PTPRJ: variants seen among roughly 807,000 people sequenced by gnomAD.
PTPRJ encodes protein tyrosine phosphatase receptor type J.
In PTPRJ, 129 loss-of-function variants were observed where a neutral mutation model predicts 141.3. That is an observed-to-expected ratio of 0.91 (90% CI 0.79 to 1.06). The LOEUF (loss-of-function observed/expected upper bound fraction) is 1.06. Ranked by LOEUF, PTPRJ falls within the 50% of genes least tolerant of loss-of-function variation. The pLI is 0.00. For synonymous variants in PTPRJ, 610 were observed against 640.5 expected (o/e 0.95, Z 0.72); for missense variants, 1,601 against 1,679.7 (o/e 0.95, Z 0.82).
At chr11:48,104,230 G>A (rs1191729069) in intron 1 of PTPRJ, among the ~76,000 whole-genome samples, 1 of 152,134 alleles carries the variant, frequency 6.6e-6, no homozygotes, top group Non-Finnish European at 1.5e-5. Context: ...GAAGCTTTTG[G>A]GTGTTCCTTG....
Position 48,078,215 on chromosome 11 carries a change from C to T in PTPRJ, c.97-31843C>T, listed in dbSNP as rs142825622. Among the ~76,000 whole-genome samples the T allele has an allele frequency of 7.5e-3, 1,139 of 152,146 alleles. 19 individuals are homozygous for T. Among genetic ancestry groups the T allele is most frequent in the African/African-American group, 0.026 (1,090 of 41,506 alleles). On this transcript the variant is annotated intron_variant, in intron 1 of 24. Coordinates refer to ENST00000418331, the MANE Select transcript of PTPRJ (RefSeq NM_002843.4). ...CTGGGATGACAGGAGCCCACCACCA[C>T]GCTTGGCTAATTTTGTGTTTTTAGT...
intron 22 of PTPRJ, among the ~76,000 whole-genome samples, chr11:48,161,206 A>G (rs2134386751): frequency 7.8e-6 from 1 of 128,310 alleles, no homozygotes; most frequent in African/African-American, 2.9e-5. Context: ...AAAGATAAAT[A>G]AGGGATGGGT....
chr11:48,076,762 T>G (rs1855415638), intron 1 of PTPRJ, among the ~76,000 whole-genome samples: 1 of 143,826 alleles, frequency 7.0e-6, no homozygotes, highest in Non-Finnish European at 1.5e-5. Flanking sequence ...CTTTAAGATA[T>G]CAAACATAAG....
chr11:48,125,086 G>C lies in PTPRJ; in HGVS notation c.993G>C (p.Leu331=), dbSNP rs2134344312. ...SGQQSRDTEV[L]LVGLEPGTRY... The stretch of plus-strand genomic sequence containing the variant: ...AGCAGTCCCGAGACACGGAAGTCCT[G>C]CTTGTCGGGTTAGAGCCTGGCACCC... The change falls in exon 6 of 25, where the codon CTG becomes CTC. Residue 331 remains leucine, a synonymous_variant. Transcript: ENST00000418331. 1.9e-6 allele frequency: 3 copies of C among 1,614,100 alleles called. No homozygotes were observed. The highest frequency in any genetic ancestry group is 1.7e-6 in the Non-Finnish European group (2 of 1,180,022).
intron 1 of PTPRJ, among the ~76,000 whole-genome samples, chr11:47,997,754 C>T (rs2134186554): frequency 6.6e-6 from 1 of 152,260 alleles, no homozygotes; most frequent in East Asian, 1.9e-4. Context: ...AAGAGATATG[C>T]CCTGTCAAAG....
intron 1 of PTPRJ, among the ~76,000 whole-genome samples, chr11:48,094,109 TATTA>T (rs1411510588): frequency 1.3e-5 from 2 of 152,226 alleles, no homozygotes; most frequent in African/African-American, 4.8e-5. Flanking sequence ...TCTTAATCCT[TATTA>T]ATCCCATTCA....
Position 48,142,982 on chromosome 11 carries a change from A to G in PTPRJ, c.2507A>G (p.Lys836Arg). ...GTCAGTCACAATTCAGTAAAGGTCA[A>G]GTTCAGTGGATTTGAAGCCAGCCAC... ...TSVSHNSVKV[K>R]FSGFEASHGP... is the part of the protein sequence containing the mutation. Residue 836 changes from lysine to arginine, a missense_variant, in exon 12 of 25, where the codon AAG becomes AGG. Physicochemically the swap from Lys to Arg is conservative, Grantham distance 26. Coordinates refer to ENST00000418331, the MANE Select transcript of PTPRJ (RefSeq NM_002843.4). 1 of 1,614,192 alleles carries G rather than the reference A, an allele frequency of 6.2e-7. No individual in the cohort carries two copies. The highest frequency in any genetic ancestry group is 8.5e-7 in the Non-Finnish European group (1 of 1,180,020).
At chr11:47,984,567 T>G (rs1441616952) in intron 1 of PTPRJ, among the ~76,000 whole-genome samples, 1 of 150,704 alleles carries the variant, frequency 6.6e-6, no homozygotes, top group Non-Finnish European at 1.5e-5. Flanking sequence ...ATTTGTTTGT[T>G]TTTTTTTTTG....
chr11:48,138,000 C>T (rs976098640), intron 10 of PTPRJ, among the ~76,000 whole-genome samples: 1 of 152,194 alleles, frequency 6.6e-6, no homozygotes, highest in African/African-American at 2.4e-5. Flanking sequence ...GTGGTGGGCA[C>T]TTCTGCTCAC....
chr11:48,063,731 T>A (rs1295733645), intron 1 of PTPRJ, among the ~76,000 whole-genome samples: 4 of 152,200 alleles, frequency 2.6e-5, no homozygotes, highest in African/African-American at 7.2e-5. Flanking sequence ...TTGCCATTCC[T>A]TTTGCTTTGT....
chr11:48,040,683 C>T (rs1321595569), intron 1 of PTPRJ, among the ~76,000 whole-genome samples: 1 of 149,658 alleles, frequency 6.7e-6, no homozygotes, highest in African/African-American at 2.5e-5. Context: ...CTTACTGCAA[C>T]CTCCGCCTCC....
intron 1 of PTPRJ, among the ~76,000 whole-genome samples, chr11:48,077,704 C>T (rs1855442265): frequency 6.6e-6 from 1 of 152,180 alleles, no homozygotes; most frequent in Admixed American, 6.5e-5. Flanking sequence ...GGTCTTTTTC[C>T]CTGCTCCGAA....
In PTPRJ at chr11:48,039,772, C is replaced by T. The variant is rs1288345184; in HGVS notation, c.96+58764C>T. Among the ~76,000 whole-genome samples, 8 of 151,742 alleles carry T rather than the reference C, an allele frequency of 5.3e-5. No individual in the cohort carries two copies. In the South Asian group the frequency reaches 1.7e-3, roughly 32 times the overall value. ...TGACAGTAATAGGTAAGTGTCCCCC[C>T]AGTCTCCCTTTTGCCCTTTCTTTTT... On this transcript the variant is annotated intron_variant, in intron 1 of 24. Transcript: ENST00000418331.
rs535786244 is a variant in PTPRJ, at chr11:48,169,166, G to A, written c.*1804G>A. The stretch of plus-strand genomic sequence containing the variant: ...TTAAAGCCCCGGCTGTGGTTCGGAG[G>A]GTTAGTGCTGTATGCCTTTTATTTC... On this transcript the variant is annotated 3_prime_UTR_variant, in exon 25 of 25. Coordinates refer to ENST00000418331, the MANE Select transcript of PTPRJ (RefSeq NM_002843.4). 1.3e-5 allele frequency: 2 copies of A among 152,154 alleles called. No individual in the cohort carries two copies. The highest frequency in any genetic ancestry group is 2.9e-5 in the Non-Finnish European group (2 of 68,026). 9.4% of individuals were successfully genotyped at this position (152,154 alleles called of 1,614,324 possible). A position where few individuals can be genotyped will look rare whatever the true frequency, so the allele number is the denominator to read the frequency against.
At chr11:47,991,637 G>A (rs1469582583) in intron 1 of PTPRJ, among the ~76,000 whole-genome samples, 1 of 152,170 alleles carries the variant, frequency 6.6e-6, no homozygotes, top group East Asian at 1.9e-4. Flanking sequence ...TCTTGTTCCT[G>A]TGACCAGGAC....
chr11:47,994,012 C>T (rs931277846), intron 1 of PTPRJ, among the ~76,000 whole-genome samples: 2 of 151,720 alleles, frequency 1.3e-5, no homozygotes, highest in African/African-American at 2.4e-5. Flanking sequence ...ATGTGCAGGC[C>T]GCCACACCCG....
chr11:48,031,275 T>C (rs1853975429), intron 1 of PTPRJ, among the ~76,000 whole-genome samples: 2 of 152,216 alleles, frequency 1.3e-5, no homozygotes, highest in South Asian at 2.1e-4. Flanking sequence ...TGTTGGCTTA[T>C]AGAATGAGCC....
chr11:48,138,373 T>TG (rs1333059501), intron 10 of PTPRJ, among the ~76,000 whole-genome samples: 8 of 152,228 alleles, frequency 5.3e-5, no homozygotes, highest in Admixed American at 4.6e-4. Flanking sequence ...TGAGCATTTA[T>TG]GACTGGGTGT....
intron 1 of PTPRJ, among the ~76,000 whole-genome samples, chr11:47,999,541 C>T (rs1283362032): frequency 6.6e-6 from 1 of 152,212 alleles, no homozygotes; most frequent in Middle Eastern, 3.2e-3. Flanking sequence ...TCAACTGGGG[C>T]TGCACCTGAG....
Sources: gnomAD v4.1 joint callset for allele counts (sites outside exome capture counted in the v4.1 genomes callset) on GRCh38, gnomAD v4.1.1 for gene constraint, MANE v1.5 for transcripts, NCBI Gene and HGNC (gene_info 2026-07-23, HGNC 2026-07-21) for gene names.